TUB: variants seen among roughly 807,000 people sequenced by gnomAD.
The protein encoded by TUB is tubby protein homolog.
TUB carries 33 observed loss-of-function variants against 59.7 expected under a neutral mutation model. That is an observed-to-expected ratio of 0.55 (90% CI 0.42 to 0.74). The LOEUF (loss-of-function observed/expected upper bound fraction) is 0.74, where lower values mean the gene tolerates loss of function less well. TUB is among the 30% of genes least tolerant of loss of function. The probability of loss-of-function intolerance (pLI) is 0.00; values close to 1 mark genes in which losing one functional copy is unlikely to be tolerated. For missense variants in TUB, 659 were observed against 672.0 expected (o/e 0.98, Z 0.21); for synonymous variants, 293 against 256.4 (o/e 1.14, Z -1.36).
chr11:8,082,563 T>A (rs1294313695), intron 1 of TUB, among the ~76,000 whole-genome samples: 2 of 152,186 alleles, frequency 1.3e-5, no homozygotes, highest in Non-Finnish European at 2.9e-5. Flanking sequence ...TAAGGCCCAC[T>A]GTGTTATTGT....
intron 2 of TUB, among the ~76,000 whole-genome samples, chr11:8,066,673 C>G (rs919093042): frequency 6.6e-6 from 1 of 152,158 alleles, no homozygotes; most frequent in Non-Finnish European, 1.5e-5. Flanking sequence ...AGCTGGAGAC[C>G]TGGGGCAAGC....
chr11:8,101,369 G>C, intron 11 of TUB, 117 bp from the exon 12 acceptor site: 1 of 1,313,024 alleles, frequency 7.6e-7, no homozygotes, highest in East Asian at 2.3e-5. Flanking sequence ...GATTCCCCTG[G>C]CATCTCTGCT....
Position 8,105,099 on chromosome 11 carries a change from C to T in TUB, c.*3480C>T, listed in dbSNP as rs189649541. ...GCAGTGAGGGGAGATGCTGGGATAG[C>T]CATTTCCATGGCTCTGTTATGCAAG... On this transcript the variant is annotated 3_prime_UTR_variant, in exon 12 of 12. Transcript: ENST00000299506. The T allele has an allele frequency of 4.9e-4, 74 of 152,286 alleles. No individual in the cohort carries two copies. The highest frequency in any genetic ancestry group is 1.7e-3 in the African/African-American group (71 of 41,560). The allele number at this position is 152,286 out of a possible 1,614,324, so 9.4% of individuals were successfully genotyped here.
At chr11:8,057,157 C>G (rs11041723) in intron 2 of TUB, among the ~76,000 whole-genome samples, 3 of 151,844 alleles carry the variant, frequency 2.0e-5, no homozygotes, top group Non-Finnish European at 4.4e-5. Context: ...TAGGGTGACT[C>G]TCCTGGAACT....
At chr11:8,082,699 C>T (rs1260768444) in intron 1 of TUB, among the ~76,000 whole-genome samples, 2 of 152,242 alleles carry the variant, frequency 1.3e-5, no homozygotes, top group East Asian at 1.9e-4. Context: ...CAGGGCTCTT[C>T]TCTGAGTCTG....
chr11:8,038,469 C>T, upstream of TUB: 1 of 312,364 alleles, frequency 3.2e-6, no homozygotes, highest in Non-Finnish European at 4.8e-6. Flanking sequence ...GAGAGGGCAG[C>T]AGTGAATGTG....
At chr11:8,066,495 A>G (rs1943244412) in intron 2 of TUB, among the ~76,000 whole-genome samples, 2 of 152,162 alleles carry the variant, frequency 1.3e-5, no homozygotes, top group Admixed American at 1.3e-4. Flanking sequence ...GGACTAAGTG[A>G]TGAACCTCGT....
intron 1 of TUB, among the ~76,000 whole-genome samples, chr11:8,029,654 G>C (rs946572374): frequency 6.6e-6 from 1 of 151,650 alleles, no homozygotes; most frequent in African/African-American, 2.4e-5. Context: ...CTCCCAAAGT[G>C]CTGGGATTAC....
At chr11:8,096,440 C>T (rs1943995624) in intron 5 of TUB, among the ~76,000 whole-genome samples, 1 of 152,106 alleles carries the variant, frequency 6.6e-6, no homozygotes, top group Non-Finnish European at 1.5e-5. Flanking sequence ...GGGGATATAT[C>T]CTGAGGATTG....
In TUB at chr11:8,105,963, T is replaced by A. The variant is rs1407152802; in HGVS notation, c.*4344T>A. The A allele has an allele frequency of 1.3e-5, 2 of 152,110 alleles. No homozygotes were observed. Among genetic ancestry groups the A allele is most frequent in the Middle Eastern group, 3.2e-3 (1 of 316 alleles). The allele number at this position is 152,110 out of a possible 1,614,324, so 9.4% of individuals were successfully genotyped here. A position where few individuals can be genotyped will look rare whatever the true frequency, so the allele number is the denominator to read the frequency against. On this transcript the variant is annotated 3_prime_UTR_variant, in exon 12 of 12. Transcript: ENST00000299506. ...CAGCCAGTTTTCACAATGCCTAGAC[T>A]GTGTATGTCTATTTGCACAAGATTG...
intron 2 of TUB, among the ~76,000 whole-genome samples, chr11:8,074,096 G>GGT (rs1554927291): frequency 2.0e-5 from 3 of 149,672 alleles, no homozygotes; most frequent in African/African-American, 7.4e-5. Flanking sequence ...GGTTTTTGTG[G>GGT]TTTTTTTTTT....
At chr11:8,038,233 A>G (rs1290649275), upstream of TUB, among the ~76,000 whole-genome samples, 2 of 152,206 alleles carry the variant, frequency 1.3e-5, no homozygotes, top group Non-Finnish European at 2.9e-5. Flanking sequence ...AGAGTTTAGA[A>G]GAGGGCTGGG....
At chr11:8,051,180 G>A (rs966185860) in intron 2 of TUB, among the ~76,000 whole-genome samples, 7 of 152,040 alleles carry the variant, frequency 4.6e-5, no homozygotes, top group African/African-American at 1.2e-4. Flanking sequence ...AAATGATCTC[G>A]GGTGTTACCT....
intron 2 of TUB, among the ~76,000 whole-genome samples, chr11:8,072,602 C>T (rs1943379282): frequency 1.3e-5 from 2 of 152,236 alleles, no homozygotes; most frequent in Admixed American, 1.3e-4. Flanking sequence ...GTTGTCCCAT[C>T]TCCGTGGTGC....
chr11:8,039,187 C>T (rs1413777333), intron 1 of TUB, among the ~76,000 whole-genome samples: 3 of 152,136 alleles, frequency 2.0e-5, no homozygotes, highest in Non-Finnish European at 2.9e-5. Context: ...GGTATATCCC[C>T]GCAAACCCCT....
Position 8,101,839 on chromosome 11 carries a change from AG to A in TUB, c.*221del. The stretch of plus-strand genomic sequence containing the variant: ...GCGGGTGGGTGGGTGTGAAGGGATG[AG>A]AATAATTCTTTCCATGCCACGAGAT... On this transcript the variant is annotated 3_prime_UTR_variant, in exon 12 of 12. Coordinates refer to ENST00000299506, the MANE Select transcript of TUB (RefSeq NM_177972.3). 4.2e-6 allele frequency: 2 copies of A among 478,088 alleles called. No homozygotes were observed. Among genetic ancestry groups the A allele is most frequent in the Non-Finnish European group, 6.3e-6 (2 of 315,878 alleles). 29.6% of individuals were successfully genotyped at this position (478,088 alleles called of 1,614,324 possible).
At chr11:8,100,222 G>A (rs924735614) in intron 9 of TUB, among the ~76,000 whole-genome samples, 5 of 152,236 alleles carry the variant, frequency 3.3e-5, no homozygotes, top group African/African-American at 7.2e-5. Context: ...GACGTAGGAT[G>A]TAGAAGAGAG....
At chr11:8,025,137 G>A (rs1193809870) in intron 1 of TUB, among the ~76,000 whole-genome samples, 1 of 152,190 alleles carries the variant, frequency 6.6e-6, no homozygotes, top group Admixed American at 6.5e-5. Flanking sequence ...CTAGTTGGGG[G>A]AGATATGGAC....
chr11:8,054,624 C>T (rs1241811169), intron 2 of TUB, among the ~76,000 whole-genome samples: 1 of 152,246 alleles, frequency 6.6e-6, no homozygotes, highest in Admixed American at 6.5e-5. Context: ...TATGCATACA[C>T]CTTGATGTGT....
Sources: allele counts gnomAD v4.1 joint callset (sites outside exome capture counted in the v4.1 genomes callset), GRCh38; gene constraint gnomAD v4.1.1; transcripts MANE v1.5; gene names NCBI Gene and HGNC (gene_info 2026-07-23, HGNC 2026-07-21).